The following XPA variants were observed in gnomAD, a reference collection of about 807,000 sequenced individuals.
The protein encoded by XPA is DNA repair protein complementing XP-A cells.
A neutral mutation model predicts 35.7 loss-of-function variants in XPA; 27 were observed. That is an observed-to-expected ratio of 0.76 (90% CI 0.56 to 1.04). XPA has a LOEUF of 1.04. Ranked by LOEUF, XPA falls within the 50% of genes least tolerant of loss-of-function variation. The pLI is 0.00. For synonymous variants in XPA, 133 were observed against 118.4 expected (o/e 1.12, Z -0.80); for missense variants, 354 against 342.7 (o/e 1.03, Z -0.26).
chr9:97,669,255 C>T, the XPA span, among the ~76,000 whole-genome samples: 9 of 151,628 alleles, frequency 5.9e-5, no homozygotes, highest in African/African-American at 2.2e-4. Flanking sequence ...TTTAATTATT[C>T]CTCATTGCTG....
intron 5 of XPA, among the ~76,000 whole-genome samples, chr9:97,676,370 A>G (rs3176747): frequency 4.6e-5 from 7 of 152,174 alleles, no homozygotes; most frequent in Admixed American, 2.6e-4. Context: ...GGGTTCTTTG[A>G]AAGCAACCAA....
At chr9:97,669,906 AC>A in the XPA span, 6 of 586,714 alleles carry the variant, frequency 1.0e-5, no homozygotes, top group East Asian at 3.1e-5. Flanking sequence ...CCTAATTGCC[AC>A]CCCCCCAACA....
the XPA span, chr9:97,655,996 A>G: frequency 1.3e-5 from 21 of 1,609,906 alleles, no homozygotes; most frequent in Non-Finnish European, 1.6e-5. Context: ...TGATAAAACT[A>G]CATTTCCTCC....
chr9:97,659,631 C>G, the XPA span, among the ~76,000 whole-genome samples: 8 of 152,176 alleles, frequency 5.3e-5, no homozygotes, highest in Non-Finnish European at 8.8e-5. Context: ...GGTGCACTAA[C>G]TGAGTGGCCA....
At chr9:97,656,053 G>T in the XPA span, 1 of 1,613,906 alleles carries the variant, frequency 6.2e-7, no homozygotes. Flanking sequence ...CCAAACCGAA[G>T]TTTGTAAGAG....
At chr9:97,666,493 G>T in the XPA span, among the ~76,000 whole-genome samples, 1 of 152,164 alleles carries the variant, frequency 6.6e-6, no homozygotes, top group Non-Finnish European at 1.5e-5. Flanking sequence ...CAGTAAGTAT[G>T]TACCTCTGGT....
At chr9:97,673,447 A>C (rs1249756661), downstream of XPA, 1 of 152,128 alleles carries the variant, frequency 6.6e-6, no homozygotes, top group Non-Finnish European at 1.5e-5. Flanking sequence ...ATTCTAGAGA[A>C]ATTTGTAGGT....
At chr9:97,655,152 T>A in the XPA span, among the ~76,000 whole-genome samples, 3 of 152,246 alleles carry the variant, frequency 2.0e-5, no homozygotes, top group Non-Finnish European at 4.4e-5. Flanking sequence ...AATTTCATTC[T>A]CTAGTCAAGT....
At chr9:97,686,755 C>T (rs1828728339) in intron 4 of XPA, among the ~76,000 whole-genome samples, 2 of 151,960 alleles carry the variant, frequency 1.3e-5, no homozygotes, top group Non-Finnish European at 2.9e-5. Flanking sequence ...GGTAAAACCC[C>T]ATCTCTACAA....
intron 2 of XPA, among the ~76,000 whole-genome samples, chr9:97,692,183 C>G (rs533964676): frequency 2.0e-5 from 3 of 149,184 alleles, no homozygotes; most frequent in Admixed American, 1.3e-4. Flanking sequence ...CCCAGCTACT[C>G]GGGAGGCTGA....
chr9:97,666,735 C>T, the XPA span: 2 of 1,423,812 alleles, frequency 1.4e-6, no homozygotes, highest in East Asian at 2.4e-5. Context: ...GCTTGACATA[C>T]AGTAACCAAA....
intron 3 of XPA, among the ~76,000 whole-genome samples, chr9:97,687,885 G>A (rs1170611746): frequency 6.6e-6 from 1 of 152,144 alleles, no homozygotes; most frequent in Non-Finnish European, 1.5e-5. Context: ...CAGGAGAGTG[G>A]AGACATAGCC....
intron 5 of XPA, among the ~76,000 whole-genome samples, chr9:97,677,272 T>C (rs3176740): frequency 0.12 from 17,998 of 152,262 alleles, 3,027 homozygotes; most frequent in African/African-American, 0.37. Context: ...AGGTTTTACA[T>C]TGACTTTGAC....
downstream of XPA, among the ~76,000 whole-genome samples, chr9:97,674,142 C>CG (rs930810874): frequency 6.6e-6 from 1 of 151,540 alleles, no homozygotes; most frequent in African/African-American, 2.4e-5. Context: ...CCTTCCCCGC[C>CG]CCCATAATGC....
the XPA span, among the ~76,000 whole-genome samples, chr9:97,655,549 A>G: frequency 6.6e-6 from 1 of 152,344 alleles, no homozygotes; most frequent in Admixed American, 6.5e-5. Context: ...GGATAAAGAG[A>G]GTTGGCAGAA....
chr9:97,675,495 TGTC>T lies in XPA; in HGVS notation c.763_765del (p.Asp255del). The stretch of plus-strand genomic sequence containing the variant: ...CACATAGTACAAGTCTTACGGTACA[TGTC>T]ATCTTCTAGGTTTTCTTCTGGTCCA... On this transcript the variant is annotated inframe_deletion, in exon 6 of 6. Coordinates refer to ENST00000375128, the MANE Select transcript of XPA (RefSeq NM_000380.4). The T allele has an allele frequency of 6.2e-7, 1 of 1,614,008 alleles. No homozygotes were observed. Among genetic ancestry groups the T allele is most frequent in the Non-Finnish European group, 8.5e-7 (1 of 1,179,948 alleles).
At chr9:97,678,410 T>C (rs1031835269) in intron 5 of XPA, among the ~76,000 whole-genome samples, 1 of 149,742 alleles carries the variant, frequency 6.7e-6, no homozygotes, top group South Asian at 2.1e-4. Flanking sequence ...CAAAAGTAAA[T>C]AAGTAAATAA....
chr9:97,667,012 C>T, the XPA span: 3 of 628,822 alleles, frequency 4.8e-6, no homozygotes, highest in Non-Finnish European at 7.8e-6. Flanking sequence ...TTTTTCTGAG[C>T]CCAATTTAAT....
chr9:97,680,438 G>A (rs928755130), intron 5 of XPA, among the ~76,000 whole-genome samples: 8 of 152,058 alleles, frequency 5.3e-5, no homozygotes, highest in African/African-American at 1.9e-4. Context: ...CAAACTCCTG[G>A]CCTCAGGTGA....
Sources: gnomAD v4.1 joint callset for allele counts (sites outside exome capture counted in the v4.1 genomes callset) on GRCh38, gnomAD v4.1.1 for gene constraint, MANE v1.5 for transcripts, NCBI Gene and HGNC (gene_info 2026-07-23, HGNC 2026-07-21) for gene names.